Variants in ZNF107 observed in about 807,000 individuals in gnomAD.
The protein encoded by ZNF107 is C2H2 type zinc-finger protein.
Under a neutral mutation model 12.3 loss-of-function variants are expected in ZNF107, and 19 were observed. The ratio of observed to expected loss-of-function variants is 1.55; its 90% CI spans 1.08 to 2.27. The LOEUF (loss-of-function observed/expected upper bound fraction) is 2.27. ZNF107 is among the 30% of genes most tolerant of loss of function. The probability of loss-of-function intolerance (pLI) is 0.00; values close to 1 mark genes in which losing one functional copy is unlikely to be tolerated. For synonymous variants in ZNF107, 317 were observed against 330.5 expected, an observed-to-expected ratio of 0.96 and a Z score of 0.44; for missense variants, 958 against 979.9, an observed-to-expected ratio of 0.98 and a Z score of 0.30.
At chr7:64,683,711 C>T (rs2128960317) in intron 1 of ZNF107, among the ~76,000 whole-genome samples, 1 of 152,292 alleles carries the variant, frequency 6.6e-6, no homozygotes, top group Admixed American at 6.5e-5. Context: ...CTTAAACAAT[C>T]ACTTCTTAAT....
chr7:64,708,021 A>T lies in ZNF107; in HGVS notation c.1924A>T (p.Ile642Phe). 6.2e-7 allele frequency: 1 copy of T among 1,613,328 alleles called. No homozygotes were observed. Among genetic ancestry groups the T allele is most frequent in the Non-Finnish European group, 8.5e-7 (1 of 1,179,652 alleles). Residue 642 changes from isoleucine (I) to phenylalanine (F), a missense_variant, in exon 4 of 4, where the codon ATT (isoleucine) becomes TTT (phenylalanine). By Grantham distance (21) the Ile-to-Phe change is conservative. Transcript: ENST00000620827. ...CTCAAACCTTACTACACAAAAGATA[A>T]TTCATACTGGAGAGAACCTCTACAA... ...QSSNLTTQKI[I>F]HTGENLYKFE...
intron 3 of ZNF107, among the ~76,000 whole-genome samples, chr7:64,695,213 T>A (rs1790250577): frequency 6.6e-6 from 1 of 152,080 alleles, no homozygotes; most frequent in African/African-American, 2.4e-5. Flanking sequence ...ATAGCATATA[T>A]TTTAAATATC....
At position 64,709,248 on chromosome 7, in the gene ZNF107, C is replaced by A; in HGVS notation, c.*592C>A. On this transcript the variant is annotated 3_prime_UTR_variant, in exon 4 of 4. Coordinates refer to ENST00000620827, the MANE Select transcript of ZNF107 (RefSeq NM_001282359.2). ...TGTGGCAAAGCTTTTAACTGATTCT[C>A]AACTCTTACTACATGTAAGAGTATT... 2.7e-6 allele frequency: 1 copy of A among 377,166 alleles called. No individual in the cohort carries two copies. The highest frequency in any genetic ancestry group is 2.3e-5 in the South Asian group (1 of 44,292). The allele number at this position is 377,166 out of a possible 1,614,324, so 23.4% of individuals were successfully genotyped here.
In ZNF107 at chr7:64,706,989, T is replaced by G. The variant is rs1202229256; in HGVS notation, c.892T>G (p.Ser298Ala). Residue 298 changes from serine (S) to alanine (A), a missense_variant, in exon 4 of 4, where the codon TCA becomes GCA. By Grantham distance (99) the Ser-to-Ala change is moderately conservative. Coordinates refer to ENST00000620827, the MANE Select transcript of ZNF107 (RefSeq NM_001282359.2). ...EECGKVFSQS[S>A]HLTTQKILHT... ...ATGTGGCAAAGTCTTTAGCCAGTCC[T>G]CACACCTTACTACACAAAAGATACT... The G allele has an allele frequency of 6.2e-7, 1 of 1,613,646 alleles. No individual in the cohort carries two copies. The highest frequency in any genetic ancestry group is 1.1e-5 in the South Asian group (1 of 91,058).
Position 64,706,566 on chromosome 7 carries a change from T to C in ZNF107, c.469T>C (p.Phe157Leu). Residue 157 changes from phenylalanine to leucine, a missense_variant, in exon 4 of 4, where the codon TTT becomes CTT. By Grantham distance (22) the Phe-to-Leu change is conservative. Coordinates refer to ENST00000620827, the MANE Select transcript of ZNF107 (RefSeq NM_001282359.2). ...CNKYVKVFDK[F>L]SNSNRYKRRH... ...TAAATATGTGAAAGTCTTTGATAAA[T>C]TTTCAAATTCAAATAGATATAAGAG... The C allele has an allele frequency of 6.2e-7, 1 of 1,607,080 alleles. No individual in the cohort carries two copies. The highest frequency in any genetic ancestry group is 8.5e-7 in the Non-Finnish European group (1 of 1,177,756).
intron 3 of ZNF107, among the ~76,000 whole-genome samples, chr7:64,705,696 CTTTT>C (rs59441538): frequency 1.5e-5 from 2 of 134,988 alleles, no homozygotes; most frequent in Non-Finnish European, 3.2e-5. Context: ...AATTTTCTAG[CTTTT>C]TTTTTTTTTT....
At position 64,694,458 on chromosome 7, in the gene ZNF107, G is replaced by A. The variant is rs183751354; in HGVS notation, c.226+2498G>A. Among the ~76,000 whole-genome samples the A allele has an allele frequency of 1.6e-3, 243 of 152,118 alleles. 1 individual carries two copies. The highest frequency in any genetic ancestry group is 3.8e-3 in the Admixed American group (58 of 15,286). ...TTTCACAACTCCCTTCCTGGAACTC[G>A]GAGCTCTCTTAAAGGCACTTATTTT... On this transcript the variant is annotated intron_variant, in intron 3 of 3. Transcript: ENST00000620827.
intron 1 of ZNF107, among the ~76,000 whole-genome samples, chr7:64,688,445 G>C (rs954065111): frequency 2.0e-4 from 31 of 151,804 alleles, no homozygotes; most frequent in African/African-American, 6.8e-4. Flanking sequence ...TTAGTGGAAG[G>C]GGGGGTTTCA....
At position 64,708,337 on chromosome 7, in the gene ZNF107, C is replaced by G; in HGVS notation, c.2240C>G (p.Thr747Ser). The change falls in exon 4 of 4, where the codon ACC (threonine) becomes AGC (serine). Residue 747 changes from threonine (T) to serine (S), a missense_variant. Physicochemically the swap from Thr to Ser is moderately conservative, Grantham distance 58. Transcript: ENST00000620827. ...GGCAAAGCTTTTAACCTATCCTCAACCCTTACTGCACATAAGAAAATTCAT... is the reference window on the plus strand; with the variant it reads ...GGCAAAGCTTTTAACCTATCCTCAAGCCTTACTGCACATAAGAAAATTCAT... The part of the protein sequence containing the change: ...ECGKAFNLSS[T>S]LTAHKKIHTG... 2 of 1,608,972 alleles carry G rather than the reference C, an allele frequency of 1.2e-6. No individual in the cohort carries two copies. The highest frequency in any genetic ancestry group is 1.7e-6 in the Non-Finnish European group (2 of 1,178,010).
intron 1 of ZNF107, among the ~76,000 whole-genome samples, chr7:64,675,118 T>TA (rs1338758158): frequency 6.6e-6 from 1 of 152,210 alleles, no homozygotes; most frequent in Non-Finnish European, 1.5e-5. Context: ...ACTGTTCTTA[T>TA]ATAATGAGTT....
At position 64,690,269 on chromosome 7, in the gene ZNF107, A is replaced by G. The variant is rs1021166073; in HGVS notation, c.4-979A>G. ...TCTTATAATAAAATTACCCTAGAAA[A>G]CCCCAGGAGATTTGTTTAAATGGCT... On this transcript the variant is annotated intron_variant, in intron 1 of 3. Transcript: ENST00000620827. The G allele has an allele frequency of 7.5e-6, 5 of 663,962 alleles. No individual in the cohort carries two copies. The African/African-American group carries it at 9.9e-5, about 13-fold the overall frequency. The allele number at this position is 663,962 out of a possible 1,614,324, so 41.1% of individuals were successfully genotyped here. A position where few individuals can be genotyped will look rare whatever the true frequency, so the allele number is the denominator to read the frequency against.
At chr7:64,702,849 G>A (rs760221815) in intron 3 of ZNF107, among the ~76,000 whole-genome samples, 25 of 152,234 alleles carry the variant, frequency 1.6e-4, no homozygotes, top group Middle Eastern at 3.4e-3. Flanking sequence ...GTGAGCCACC[G>A]CACCCAGCCT....
chr7:64,679,135 C>T (rs1316279602), intron 1 of ZNF107: 3 of 977,154 alleles, frequency 3.1e-6, no homozygotes, highest in Admixed American at 6.2e-5. Context: ...CACTTGGGTG[C>T]GAGCTCACAC....
intron 1 of ZNF107, among the ~76,000 whole-genome samples, chr7:64,679,861 G>A (rs1789583004): frequency 6.6e-6 from 1 of 152,052 alleles, no homozygotes; most frequent in Non-Finnish European, 1.5e-5. Flanking sequence ...CATACATCCA[G>A]GCATGTTTTA....
chr7:64,683,552 A>G (rs1789773025), intron 1 of ZNF107, among the ~76,000 whole-genome samples: 2 of 152,216 alleles, frequency 1.3e-5, no homozygotes, highest in East Asian at 3.8e-4. Flanking sequence ...TCACAAGGCA[A>G]GTGGTTCTTA....
chr7:64,669,208 G>A (rs1789129387), intron 1 of ZNF107: 3 of 151,316 alleles, frequency 2.0e-5, no homozygotes, highest in African/African-American at 7.3e-5. Flanking sequence ...TAGACACGGG[G>A]TTTCACCATG....
At position 64,708,082 on chromosome 7, in the gene ZNF107, C is replaced by T. The variant is rs142082731; in HGVS notation, c.1985C>T (p.Ser662Leu). 498 of 1,613,412 alleles carry T rather than the reference C, an allele frequency of 3.1e-4. No individual in the cohort carries two copies. Among genetic ancestry groups the T allele is most frequent in the Non-Finnish European group, 4.0e-4 (466 of 1,179,648 alleles). ...CATGGAAAAGCTTTTAACCTATTCT[C>T]AAACATTACTAACCATAAGATAATT... is the stretch of plus-strand genomic sequence containing the variant. The part of the protein sequence containing the change: ...EEHGKAFNLF[S>L]NITNHKIIYT... Residue 662 changes from serine to leucine, a missense_variant, in exon 4 of 4, where the codon TCA becomes TTA. Coordinates refer to ENST00000620827, the MANE Select transcript of ZNF107 (RefSeq NM_001282359.2).
Position 64,691,897 on chromosome 7 carries a change from T to C in ZNF107, c.163T>C (p.Cys55Arg), listed in dbSNP as rs1347471966. 2 of 1,512,868 alleles carry C rather than the reference T, an allele frequency of 1.3e-6. No homozygotes were observed. The highest frequency in any genetic ancestry group is 2.9e-5 in the African/African-American group (2 of 69,520). The allele number at this position is 1,512,868 out of a possible 1,614,324, so 93.7% of individuals were successfully genotyped here. Residue 55 changes from cysteine to arginine, a missense_variant, in exon 3 of 4, where the codon TGT becomes CGT. Coordinates refer to ENST00000620827, the MANE Select transcript of ZNF107 (RefSeq NM_001282359.2). Reference sequence around the variant, plus strand: ...TGTCTCTAAGCCATATCTGATCACCTGTCTGGAGCAAAAAAAAGAGCCCTG... The same window carrying C: ...TGTCTCTAAGCCATATCTGATCACCCGTCTGGAGCAAAAAAAAGAGCCCTG... ...IAVSKPYLIT[C>R]LEQKKEPWNI...
Position 64,703,326 on chromosome 7 carries a change from A to G in ZNF107, c.227-2998A>G, listed in dbSNP as rs1363409515. ...ATCCCTGTATTTTTTTATGATTTGT[A>G]TTTTTCTGGCACAGGTTTGTTGTGA... On this transcript the variant is annotated intron_variant, in intron 3 of 3. Transcript: ENST00000620827. Among the ~76,000 whole-genome samples the G allele has an allele frequency of 2.0e-5, 3 of 151,996 alleles. No individual in the cohort carries two copies. The South Asian group carries it at 6.2e-4, about 32-fold the overall frequency.
Sources: allele counts gnomAD v4.1 joint callset (sites outside exome capture counted in the v4.1 genomes callset), GRCh38; gene constraint gnomAD v4.1.1; transcripts MANE v1.5; gene names NCBI Gene and HGNC (gene_info 2026-07-23, HGNC 2026-07-21).